Variants in CD2AP observed in about 807,000 individuals in gnomAD.
CD2AP encodes the protein CD2-associated protein.
In CD2AP, 46 loss-of-function variants were observed where a neutral mutation model predicts 85.1. The ratio of observed to expected loss-of-function variants is 0.54; its 90% CI spans 0.43 to 0.69. The LOEUF (loss-of-function observed/expected upper bound fraction) is 0.69, where lower values mean the gene tolerates loss of function less well. CD2AP is among the 30% of genes least tolerant of loss of function. The pLI is 0.00. For missense variants in CD2AP, 769 were observed against 729.5 expected, an observed-to-expected ratio of 1.05 and a Z score of -0.62; for synonymous variants, 255 against 252.9, an observed-to-expected ratio of 1.01 and a Z score of -0.08.
intron 1 of CD2AP, among the ~76,000 whole-genome samples, chr6:47,480,105 G>A (rs977801746): frequency 6.6e-6 from 1 of 152,000 alleles, no homozygotes; most frequent in Non-Finnish European, 1.5e-5. Flanking sequence ...ATATAGACTT[G>A]GATATCAATG....
At chr6:47,481,162 A>G (rs186478403) in intron 1 of CD2AP, among the ~76,000 whole-genome samples, 3 of 152,352 alleles carry the variant, frequency 2.0e-5, no homozygotes, top group Non-Finnish European at 2.9e-5. Context: ...CAAATGGCAC[A>G]AAGTGTCAGA....
intron 13 of CD2AP, among the ~76,000 whole-genome samples, chr6:47,604,511 T>G (rs1562053073): frequency 6.6e-6 from 1 of 152,046 alleles, no homozygotes; most frequent in African/African-American, 2.4e-5. Context: ...TTCTGCAAGT[T>G]GCTTAAATAT....
chr6:47,498,521 T>C (rs1364138825), intron 1 of CD2AP, among the ~76,000 whole-genome samples: 4 of 152,226 alleles, frequency 2.6e-5, no homozygotes, highest in Non-Finnish European at 1.5e-5. Flanking sequence ...CCCGTTTTTT[T>C]CTCCTTGAAT....
intron 13 of CD2AP, 98 bp from the exon 14 acceptor site, chr6:47,606,067 C>CT: frequency 1.4e-6 from 1 of 700,886 alleles, no homozygotes; most frequent in South Asian, 1.7e-5. Flanking sequence ...TAGTGGTACT[C>CT]TTTTTAATTT....
At chr6:47,574,806 A>G (rs1768259801) in intron 6 of CD2AP, among the ~76,000 whole-genome samples, 1 of 152,078 alleles carries the variant, frequency 6.6e-6, no homozygotes. Context: ...TAAGTGAGCC[A>G]TAAATTATAA....
In CD2AP at chr6:47,561,803, C is replaced by T. The variant is rs574445338; in HGVS notation, c.541+7037C>T. ...TTATTTATTTATGTATTTATTGAGA[C>T]GGAGTCTCGCTCTGTCACACAGGCT... is the stretch of plus-strand genomic sequence containing the variant. On this transcript the variant is annotated intron_variant, in intron 5 of 17. Transcript: ENST00000359314. Among the ~76,000 whole-genome samples, 25 of 152,206 alleles carry T rather than the reference C, an allele frequency of 1.6e-4. 1 individual carries two copies. The South Asian group carries it at 4.8e-3, about 29-fold the overall frequency.
At chr6:47,599,241 A>T in intron 12 of CD2AP, 60 bp from the exon 13 acceptor site, 3 of 1,405,908 alleles carry the variant, frequency 2.1e-6, no homozygotes, top group Middle Eastern at 2.0e-4. Context: ...ATTAAATCAC[A>T]ATTTAAAAAA....
At chr6:47,537,028 C>T (rs535955646) in intron 3 of CD2AP, among the ~76,000 whole-genome samples, 6 of 152,288 alleles carry the variant, frequency 3.9e-5, no homozygotes, top group South Asian at 2.1e-4. Context: ...ACTCACGCTA[C>T]AGCAGAAGTG....
intron 13 of CD2AP, among the ~76,000 whole-genome samples, chr6:47,605,934 T>G (rs1186775303): frequency 6.6e-6 from 1 of 151,950 alleles, no homozygotes; most frequent in African/African-American, 2.4e-5. Flanking sequence ...TTTATAGTGT[T>G]AATAAAGTCA....
At position 47,477,854 on chromosome 6, in the gene CD2AP, G is replaced by A. The variant is rs973408937; in HGVS notation, c.-391G>A. On this transcript the variant is annotated 5_prime_UTR_variant, in exon 1 of 18. Coordinates refer to ENST00000359314, the MANE Select transcript of CD2AP (RefSeq NM_012120.3). ...TCTAACTGCGAGTGCTAAGGAAGAG[G>A]CGAGGGGCGGGCTCCGAGGCTAGGC... The A allele has an allele frequency of 1.3e-5, 4 of 315,746 alleles. No homozygotes were observed. The highest frequency in any genetic ancestry group is 2.3e-5 in the Non-Finnish European group (4 of 170,340). The allele number at this position is 315,746 out of a possible 1,614,324, so 19.6% of individuals were successfully genotyped here. A position where few individuals can be genotyped will look rare whatever the true frequency, so the allele number is the denominator to read the frequency against.
At chr6:47,576,866 G>A (rs979610103) in intron 7 of CD2AP, 143 bp from the exon 8 acceptor site, 3 of 659,634 alleles carry the variant, frequency 4.5e-6, no homozygotes, top group South Asian at 3.6e-5. Flanking sequence ...ATACGGTATT[G>A]ACTATAAGTA....
intron 5 of CD2AP, among the ~76,000 whole-genome samples, chr6:47,560,980 G>A (rs1394785344): frequency 1.3e-5 from 2 of 151,880 alleles, no homozygotes; most frequent in Non-Finnish European, 2.9e-5. Flanking sequence ...GTCTTTCTCC[G>A]GTTTATGTAT....
chr6:47,511,838 C>G (rs944163862), intron 2 of CD2AP, among the ~76,000 whole-genome samples: 13 of 151,902 alleles, frequency 8.6e-5, no homozygotes, highest in African/African-American at 2.9e-4. Flanking sequence ...TTCATCCTGG[C>G]TAACACGGTG....
chr6:47,519,992 T>C (rs1026409309), intron 2 of CD2AP, among the ~76,000 whole-genome samples: 1 of 152,184 alleles, frequency 6.6e-6, no homozygotes, highest in Admixed American at 6.5e-5. Context: ...TGTGTTAGGA[T>C]TTGAGTATAA....
intron 4 of CD2AP, among the ~76,000 whole-genome samples, chr6:47,553,873 A>G (rs1395721540): frequency 6.6e-6 from 1 of 152,146 alleles, no homozygotes; most frequent in Non-Finnish European, 1.5e-5. Flanking sequence ...TTTTAAAAGT[A>G]GGAAATTATT....
chr6:47,562,837 C>T, intron 5 of CD2AP: 3 of 1,029,512 alleles, frequency 2.9e-6, no homozygotes, highest in Non-Finnish European at 4.5e-6. Context: ...TGCTGAACAC[C>T]AAATCAACCT....
At chr6:47,559,716 T>C (rs1237162630) in intron 5 of CD2AP, among the ~76,000 whole-genome samples, 1 of 152,228 alleles carries the variant, frequency 6.6e-6, no homozygotes, top group African/African-American at 2.4e-5. Flanking sequence ...ATTAAGCTCC[T>C]TGACACTTTT....
intron 1 of CD2AP, among the ~76,000 whole-genome samples, chr6:47,491,365 A>G (rs967050941): frequency 1.3e-5 from 2 of 151,872 alleles, no homozygotes; most frequent in Non-Finnish European, 2.9e-5. Flanking sequence ...TATTCCTACT[A>G]CTTTGAGAGT....
At chr6:47,589,437 TAC>T (rs1161563100) in intron 11 of CD2AP, among the ~76,000 whole-genome samples, 115 of 121,854 alleles carry the variant, frequency 9.4e-4, no homozygotes, top group African/African-American at 2.4e-3. Flanking sequence ...TATACACACA[TAC>T]ACACACACAA....
Sources: allele counts gnomAD v4.1 joint callset (sites outside exome capture counted in the v4.1 genomes callset), GRCh38; gene constraint gnomAD v4.1.1; transcripts MANE v1.5; gene names NCBI Gene and HGNC (gene_info 2026-07-23, HGNC 2026-07-21).